The following TMEM87B variants were observed in gnomAD, a reference collection of about 807,000 sequenced individuals.
TMEM87B encodes transmembrane protein 87B.
Under a neutral mutation model 80.3 loss-of-function variants are expected in TMEM87B, and 83 were observed. The ratio of observed to expected loss-of-function variants is 1.03; its 90% CI spans 0.87 to 1.24. TMEM87B has a LOEUF of 1.24. Among genes scored for constraint, TMEM87B ranks in the 50% most tolerant of loss-of-function variants. The pLI, the probability that TMEM87B is intolerant of heterozygous loss-of-function variation, is 0.00. For synonymous variants in TMEM87B, 219 were observed against 230.5 expected (o/e 0.95, Z 0.45); for missense variants, 625 against 674.4 (o/e 0.93, Z 0.81).
At chr2:112,089,584 A>C (rs890538797) in intron 9 of TMEM87B, 41 bp from the exon 10 acceptor site, 6 of 1,591,138 alleles carry the variant, frequency 3.8e-6, no homozygotes, top group Non-Finnish European at 3.5e-6. Context: ...TTACTCACCC[A>C]TGCTTTTTCT....
At chr2:112,098,056 A>G (rs1490976796) in intron 13 of TMEM87B, among the ~76,000 whole-genome samples, 1 of 151,488 alleles carries the variant, frequency 6.6e-6, no homozygotes, top group Non-Finnish European at 1.5e-5. Context: ...GCTCACTGCA[A>G]CCTCCGCCTC....
chr2:112,059,151 T>A (rs1213394510), intron 1 of TMEM87B, among the ~76,000 whole-genome samples: 1 of 152,178 alleles, frequency 6.6e-6, no homozygotes, highest in African/African-American at 2.4e-5. Context: ...CAGTGTTTTT[T>A]GTTTTGTTTT....
chr2:112,078,969 CT>C (rs544806518), intron 6 of TMEM87B, among the ~76,000 whole-genome samples: 24 of 152,186 alleles, frequency 1.6e-4, no homozygotes, highest in Non-Finnish European at 2.8e-4. Flanking sequence ...AGAGGGATCT[CT>C]TTTTTTCTTT....
chr2:112,090,072 G>C (rs1486213855), intron 10 of TMEM87B, among the ~76,000 whole-genome samples: 1 of 152,188 alleles, frequency 6.6e-6, no homozygotes, highest in Admixed American at 6.5e-5. Context: ...TGTATCAAGT[G>C]AACAGAAAGT....
chr2:112,089,940 TATC>T (rs1679253046), intron 10 of TMEM87B, among the ~76,000 whole-genome samples: 1 of 152,240 alleles, frequency 6.6e-6, no homozygotes, highest in Admixed American at 6.5e-5. Context: ...CACCGCTTGA[TATC>T]ATCCCAGGTA....
At chr2:112,064,458 G>A (rs1678354149) in intron 3 of TMEM87B, among the ~76,000 whole-genome samples, 1 of 152,198 alleles carries the variant, frequency 6.6e-6, no homozygotes, top group Admixed American at 6.5e-5. Flanking sequence ...TATGAAAAAT[G>A]TTAGTAAATG....
At position 112,055,297 on chromosome 2, in the gene TMEM87B, C is replaced by G. The variant is rs1678002546; in HGVS notation, c.-295C>G. The G allele has an allele frequency of 2.2e-6, 1 of 455,568 alleles. No homozygotes were observed. Among genetic ancestry groups the G allele is most frequent in the Admixed American group, 4.5e-5 (1 of 22,172 alleles). The allele number at this position is 455,568 out of a possible 1,614,324, so 28.2% of individuals were successfully genotyped here. A position where few individuals can be genotyped will look rare whatever the true frequency, so the allele number is the denominator to read the frequency against. On this transcript the variant is annotated 5_prime_UTR_variant, in exon 1 of 19. Transcript: ENST00000283206. The stretch of plus-strand genomic sequence containing the variant: ...TTCACGCCCACGCTAGGCCCTGAGC[C>G]CAGCCTCCACGTCTCGCCGCCAACT...
intron 11 of TMEM87B, 143 bp from the exon 12 acceptor site, chr2:112,096,901 A>G (rs1679485071): frequency 1.6e-6 from 1 of 620,982 alleles, no homozygotes; most frequent in Non-Finnish European, 2.8e-6. Context: ...ATTGGCCAAG[A>G]TAACATTTTC....
chr2:112,072,385 T>G (rs1678667066), intron 4 of TMEM87B, among the ~76,000 whole-genome samples: 1 of 152,208 alleles, frequency 6.6e-6, no homozygotes, highest in Non-Finnish European at 1.5e-5. Flanking sequence ...CTAGTAGAAT[T>G]TAGCTGTGAA....
intron 2 of TMEM87B, 137 bp downstream of exon 2, chr2:112,060,174 C>T (rs1378540667): frequency 3.4e-5 from 34 of 1,009,234 alleles, no homozygotes; most frequent in African/African-American, 1.2e-4. Context: ...AGTGAAACCC[C>T]GTCTCTACTA....
chr2:112,096,986 G>C, intron 11 of TMEM87B, 58 bp from the exon 12 acceptor site: 4 of 919,272 alleles, frequency 4.4e-6, no homozygotes, highest in Non-Finnish European at 6.4e-6. Context: ...AGAAGATTCT[G>C]TTTTTTTTTT....
In TMEM87B at chr2:112,089,689, G is replaced by A. The variant is rs774393619; in HGVS notation, c.1003G>A (p.Ala335Thr). The stretch of plus-strand genomic sequence containing the variant: ...GGGGCTTCTATACTTAATCTTTGCA[G>A]CTGTTGAAGGCGTGATGAGAGTCAT... The part of the protein sequence containing the change: ...GLGLLYLIFA[A>T]VEGVMRVIGG... The change falls in exon 10 of 19, where the codon GCT (alanine) becomes ACT (threonine). Residue 335 changes from alanine to threonine, a missense_variant. Coordinates refer to ENST00000283206, the MANE Select transcript of TMEM87B (RefSeq NM_032824.3). The A allele has an allele frequency of 6.2e-7, 1 of 1,614,020 alleles. No individual in the cohort carries two copies. Among genetic ancestry groups the A allele is most frequent in the African/African-American group, 1.3e-5 (1 of 74,906 alleles).
intron 11 of TMEM87B, among the ~76,000 whole-genome samples, chr2:112,096,519 A>G (rs1024044459): frequency 1.3e-5 from 2 of 152,232 alleles, no homozygotes; most frequent in Non-Finnish European, 2.9e-5. Context: ...TAAAGCCCTT[A>G]ACTAAGTCCA....
At chr2:112,088,107 G>A (rs887918599) in intron 9 of TMEM87B, among the ~76,000 whole-genome samples, 2 of 152,228 alleles carry the variant, frequency 1.3e-5, no homozygotes, top group South Asian at 4.1e-4. Context: ...TTGCTTGTGA[G>A]CTGGGGATTG....
chr2:112,056,659 A>G (rs954381546), intron 1 of TMEM87B, among the ~76,000 whole-genome samples: 2 of 152,070 alleles, frequency 1.3e-5, no homozygotes, highest in African/African-American at 2.4e-5. Context: ...GATGAGACTT[A>G]TATTTTGATT....
intron 4 of TMEM87B, among the ~76,000 whole-genome samples, chr2:112,074,521 T>A (rs1163695511): frequency 2.0e-5 from 3 of 152,204 alleles, no homozygotes; most frequent in African/African-American, 7.2e-5. Context: ...CCTTGGAGAA[T>A]CTGATGATTT....
At chr2:112,107,250 C>T (rs974776738) in intron 16 of TMEM87B, among the ~76,000 whole-genome samples, 5 of 151,136 alleles carry the variant, frequency 3.3e-5, no homozygotes, top group African/African-American at 7.3e-5. Context: ...CCCAGCTACT[C>T]GGGAGGCTGA....
intron 6 of TMEM87B, among the ~76,000 whole-genome samples, chr2:112,079,686 T>G (rs1678927241): frequency 6.6e-6 from 1 of 152,146 alleles, no homozygotes. Context: ...GGACCTTCCA[T>G]ACTGTTTTTT....
chr2:112,118,965 C>T lies in TMEM87B; in HGVS notation c.*2822C>T, dbSNP rs2104514595. 1 of 152,178 alleles carries T rather than the reference C, an allele frequency of 6.6e-6. No individual in the cohort carries two copies. The highest frequency in any genetic ancestry group is 1.9e-4 in the East Asian group (1 of 5,182). 9.4% of individuals were successfully genotyped at this position (152,178 alleles called of 1,614,324 possible). A position where few individuals can be genotyped will look rare whatever the true frequency, so the allele number is the denominator to read the frequency against. On this transcript the variant is annotated 3_prime_UTR_variant, in exon 19 of 19. Transcript: ENST00000283206. ...GCAATACAAAATACCAAGCCTTATA[C>T]TTAAAAGAAGTTTAACATATTGGTT...
Sources: gnomAD v4.1 joint callset for allele counts (sites outside exome capture counted in the v4.1 genomes callset) on GRCh38, gnomAD v4.1.1 for gene constraint, MANE v1.5 for transcripts, NCBI Gene and HGNC (gene_info 2026-07-23, HGNC 2026-07-21) for gene names.